HERC2: variants seen among roughly 807,000 people sequenced by gnomAD.
The protein encoded by HERC2 is HECT and RLD domain containing E3 ubiquitin protein ligase 2, also known as E3 ubiquitin-protein ligase HERC2.
HERC2 carries 102 observed loss-of-function variants against 537.7 expected under a neutral mutation model. The ratio of observed to expected loss-of-function variants is 0.19; its 90% CI spans 0.16 to 0.22. The LOEUF (loss-of-function observed/expected upper bound fraction) is 0.22, where lower values mean the gene tolerates loss of function less well. HERC2 is among the 10% of genes least tolerant of loss of function. HERC2 has a pLI of 1.00. For missense variants in HERC2, 4,236 were observed against 6,198.2 expected, an observed-to-expected ratio of 0.68 and a Z score of 10.63; for synonymous variants, 2,224 against 2,466.2, an observed-to-expected ratio of 0.90 and a Z score of 2.91.
At chr15:28,160,322 C>A (rs1389564838) in intron 69 of HERC2, among the ~76,000 whole-genome samples, 2 of 152,220 alleles carry the variant, frequency 1.3e-5, no homozygotes, top group Non-Finnish European at 2.9e-5. Flanking sequence ...CTATGGCCTG[C>A]CCCCAGAGGT....
intron 10 of HERC2, among the ~76,000 whole-genome samples, chr15:28,270,272 G>GACAA (rs2075684741): frequency 6.6e-6 from 1 of 151,308 alleles, no homozygotes; most frequent in Admixed American, 6.6e-5. Flanking sequence ...TAGATAGACA[G>GACAA]ACAGACAGAC....
Position 28,176,762 on chromosome 15 carries a change from C to T in HERC2, c.9439G>A (p.Val3147Ile). 1 of 1,613,574 alleles carries T rather than the reference C, an allele frequency of 6.2e-7. No homozygotes were observed. Among genetic ancestry groups the T allele is most frequent in the Non-Finnish European group, 8.5e-7 (1 of 1,179,694 alleles). Residue 3147 changes from valine (V) to isoleucine (I), a missense_variant, in exon 62 of 93, where the codon GTC becomes ATC. This residue lies in a region of HERC2 where 606 missense variants were observed against 884.5 expected (regional missense o/e 0.69). Coordinates refer to ENST00000261609, the MANE Select transcript of HERC2 (RefSeq NM_004667.6). This position sits in a 1 kb window ranked among gnomAD's most constrained non-coding sequence, Gnocchi z 5.0. The stretch of plus-strand genomic sequence containing the variant: ...TGGATTACTCTGTGACCGAGAAGGA[C>T]TTTCACCTACTCAATTACAAATTTA... The part of the protein sequence containing the change: ...TTQLKPKMVK[V>I]LLGHRVIQVA...
chr15:28,242,914 G>C (rs1031409783), intron 23 of HERC2, among the ~76,000 whole-genome samples: 9 of 152,154 alleles, frequency 5.9e-5, no homozygotes, highest in Non-Finnish European at 1.3e-4. Context: ...AGATTCAAAA[G>C]TACTTACAAA....
intron 22 of HERC2, among the ~76,000 whole-genome samples, 170 bp downstream of exon 22, chr15:28,246,572 G>A (rs1903724848): frequency 6.6e-6 from 1 of 151,792 alleles, no homozygotes; most frequent in Non-Finnish European, 1.5e-5. Flanking sequence ...CATACCAGCT[G>A]GCTTAACAAC....
chr15:28,218,859 A>G (rs1231906046), intron 37 of HERC2, among the ~76,000 whole-genome samples, 188 bp from the exon 38 acceptor site: 3 of 152,130 alleles, frequency 2.0e-5, no homozygotes, highest in African/African-American at 4.8e-5. Context: ...CCTTTGAGAC[A>G]GGCTCTGTCT....
intron 65 of HERC2, among the ~76,000 whole-genome samples, chr15:28,173,999 T>C (rs1278648058): frequency 1.3e-5 from 2 of 151,882 alleles, no homozygotes; most frequent in Non-Finnish European, 2.9e-5. Context: ...TCATGGATCA[T>C]ACATATTCCA....
intron 4 of HERC2, among the ~76,000 whole-genome samples, chr15:28,283,083 TA>T (rs1344403222): frequency 4.0e-5 from 5 of 124,398 alleles, no homozygotes; most frequent in Admixed American, 2.5e-4. Context: ...CCTATGGGAC[TA>T]TAACAACTCC....
chr15:28,247,872 C>T (rs1903878819), intron 21 of HERC2, among the ~76,000 whole-genome samples: 1 of 152,166 alleles, frequency 6.6e-6, no homozygotes, highest in Non-Finnish European at 1.5e-5. Flanking sequence ...AATTAAGTTA[C>T]TTTGGGAAAA....
chr15:28,201,561 G>C lies in HERC2; in HGVS notation c.7618-7C>G. 3 of 1,590,986 alleles carry C rather than the reference G, an allele frequency of 1.9e-6. No homozygotes were observed. The highest frequency in any genetic ancestry group is 2.6e-6 in the Non-Finnish European group (3 of 1,159,480). ...TCACAACAGCACCAGTAGACTGCAAGAAATAAATACATTCAAACAAAAAAA... is the reference window on the plus strand; with the variant it reads ...TCACAACAGCACCAGTAGACTGCAACAAATAAATACATTCAAACAAAAAAA... On this transcript the variant is annotated splice_polypyrimidine_tract_variant and splice_region_variant and intron_variant, in intron 47 of 92. Coordinates refer to ENST00000261609, the MANE Select transcript of HERC2 (RefSeq NM_004667.6).
chr15:28,260,037 C>T (rs2075376286), intron 16 of HERC2, among the ~76,000 whole-genome samples: 1 of 146,912 alleles, frequency 6.8e-6, no homozygotes, highest in African/African-American at 2.5e-5. Context: ...TAACACAAGG[C>T]TTGATCAGTA....
rs183882194 is a variant in HERC2 at position 28,313,425 on chromosome 15, C to T, written c.72+7937G>A. Among the ~76,000 whole-genome samples the T allele has an allele frequency of 1.6e-3, 245 of 152,132 alleles. 4 individuals are homozygous for T. Among genetic ancestry groups the T allele is most frequent in the African/African-American group, 5.4e-3 (225 of 41,454 alleles). The stretch of plus-strand genomic sequence containing the variant: ...CGACCTCCTGACCTTGTGATCCACC[C>T]GCCTCGGCCTGGGATTACAGGCGGG... On this transcript the variant is annotated intron_variant, in intron 2 of 92. Transcript: ENST00000261609.
At chr15:28,154,734 T>C (rs2142362928) in intron 69 of HERC2, among the ~76,000 whole-genome samples, 1 of 152,368 alleles carries the variant, frequency 6.6e-6, no homozygotes, top group Admixed American at 6.5e-5. Flanking sequence ...AATGTGGGGA[T>C]GTGCATGGCA....
intron 7 of HERC2, 120 bp downstream of exon 7, chr15:28,274,171 G>A (rs1357315226): frequency 1.9e-5 from 17 of 905,398 alleles, no homozygotes; most frequent in East Asian, 1.1e-4. Flanking sequence ...CTGACAGCCC[G>A]CTGAAAACAG....
intron 68 of HERC2, among the ~76,000 whole-genome samples, chr15:28,164,539 T>C (rs572890282): frequency 4.9e-4 from 74 of 151,624 alleles, no homozygotes; most frequent in African/African-American, 1.7e-3. Context: ...TACCTACCAT[T>C]TTTTTTTATG....
intron 52 of HERC2, among the ~76,000 whole-genome samples, chr15:28,192,929 C>CT (rs1896984914): frequency 7.0e-6 from 1 of 143,480 alleles, no homozygotes; most frequent in East Asian, 3.9e-4. Context: ...TTTGGGTTTC[C>CT]CTTTTTTTTT....
At chr15:28,273,119 T>C (rs2075783221) in intron 7 of HERC2, 115 bp from the exon 8 acceptor site, 3 of 761,794 alleles carry the variant, frequency 3.9e-6, no homozygotes, top group Non-Finnish European at 2.2e-6. Context: ...GTATTTTTAA[T>C]ATTTAGGATC....
At chr15:28,171,966 T>C (rs1240096098) in intron 65 of HERC2, among the ~76,000 whole-genome samples, 29 of 148,088 alleles carry the variant, frequency 2.0e-4, no homozygotes, top group Admixed American at 1.9e-3. Flanking sequence ...TCCCAGCAAC[T>C]TGGGAGGCTG....
At chr15:28,157,092 T>C (rs1893088383) in intron 69 of HERC2, among the ~76,000 whole-genome samples, 1 of 152,244 alleles carries the variant, frequency 6.6e-6, no homozygotes, top group Non-Finnish European at 1.5e-5. Context: ...ATCACAGGGA[T>C]GAAGCCCACT....
intron 89 of HERC2, chr15:28,115,200 C>T (rs1888087040): frequency 5.8e-6 from 3 of 521,136 alleles, no homozygotes; most frequent in African/African-American, 1.9e-5. Flanking sequence ...ACAGGGGAGG[C>T]AGTGAGCTTC....
Sources: allele counts gnomAD v4.1 joint callset (sites outside exome capture counted in the v4.1 genomes callset), GRCh38; gene constraint gnomAD v4.1.1; regional missense constraint gnomAD v4.1.1; non-coding constraint Gnocchi (gnomAD v3.1); transcripts MANE v1.5; gene names NCBI Gene and HGNC (gene_info 2026-07-23, HGNC 2026-07-21).